The following ARHGEF10L variants were observed in gnomAD, a reference collection of about 807,000 sequenced individuals.
ARHGEF10L encodes Rho guanine nucleotide exchange factor 10 like, also known as rho guanine nucleotide exchange factor 10-like protein.
A neutral mutation model predicts 141.2 loss-of-function variants in ARHGEF10L; 69 were observed. The observed-to-expected ratio is 0.49, with a 90% CI of 0.40 to 0.60. ARHGEF10L has a LOEUF of 0.60. Among genes scored for constraint, ARHGEF10L ranks in the 20% least tolerant of loss-of-function variants. The pLI is 0.00. For synonymous variants in ARHGEF10L, 711 were observed against 718.5 expected, an observed-to-expected ratio of 0.99 and a Z score of 0.17; for missense variants, 1,482 against 1,734.3, an observed-to-expected ratio of 0.85 and a Z score of 2.58.
At chr1:17,529,124 T>C in the ARHGEF10L span, among the ~76,000 whole-genome samples, 1 of 152,124 alleles carries the variant, frequency 6.6e-6, no homozygotes, top group African/African-American at 2.4e-5. Context: ...TGCCTCAGCC[T>C]CCCAAGTAGC....
chr1:17,613,973 T>C (rs996254998), intron 8 of ARHGEF10L, among the ~76,000 whole-genome samples: 1 of 152,180 alleles, frequency 6.6e-6, no homozygotes, highest in Non-Finnish European at 1.5e-5. Context: ...CTGTGCTGGG[T>C]CTAGAAGCTC....
chr1:17,580,957 G>T (rs12146120), intron 2 of ARHGEF10L, among the ~76,000 whole-genome samples: 1 of 152,100 alleles, frequency 6.6e-6, no homozygotes, highest in African/African-American at 2.4e-5. Context: ...AGAGGGTTGC[G>T]CCATAGGGTC....
At position 17,607,831 on chromosome 1, in the gene ARHGEF10L, G is replaced by C; in HGVS notation, c.463G>C (p.Ala155Pro). The C allele has an allele frequency of 1.3e-6, 2 of 1,593,276 alleles. No homozygotes were observed. Among genetic ancestry groups the C allele is most frequent in the Admixed American group, 1.7e-5 (1 of 57,752 alleles). Residue 155 changes from alanine (A) to proline (P), a missense_variant, in exon 7 of 29, where the codon GCG becomes CCG. By Grantham distance (27) the Ala-to-Pro change is conservative. This residue lies in a region of ARHGEF10L where 232 missense variants were observed against 225.9 expected (regional missense o/e 1.03). Coordinates refer to ENST00000361221, the MANE Select transcript of ARHGEF10L (RefSeq NM_018125.4). The surrounding 1 kb of genome is among the most constrained non-coding windows in gnomAD (Gnocchi z 4.5). ...AGAGAGGAACCTGCTCTACGAGGAT[G>C]CGCACCGGGCTGGGGCCCCTCGGCA... is the stretch of plus-strand genomic sequence containing the variant. Reference protein sequence around the residue: ...GAERNLLYEDAHRAGAPRQAE... With the variant: ...GAERNLLYEDPHRAGAPRQAE...
chr1:17,624,064 CCTT>C (rs2060250554), intron 12 of ARHGEF10L, among the ~76,000 whole-genome samples: 1 of 152,144 alleles, frequency 6.6e-6, no homozygotes, highest in African/African-American at 2.4e-5. Flanking sequence ...TTCCCCCTGC[CCTT>C]CTCCTCCCTC....
intron 26 of ARHGEF10L, among the ~76,000 whole-genome samples, chr1:17,683,531 C>A (rs1469822618): frequency 6.6e-6 from 1 of 152,212 alleles, no homozygotes; most frequent in Non-Finnish European, 1.5e-5. Flanking sequence ...TACTCCCTGC[C>A]CTGTGGGCCC....
In ARHGEF10L at chr1:17,656,365, G is replaced by A. The variant is rs754028578; in HGVS notation, c.2706-189G>A. 6.6e-6 allele frequency among the ~76,000 whole-genome samples: 1 copy of A among 152,228 alleles called. No individual in the cohort carries two copies. Among genetic ancestry groups the A allele is most frequent in the African/African-American group, 2.4e-5 (1 of 41,460 alleles). On this transcript the variant is annotated intron_variant, in intron 24 of 28. Coordinates refer to ENST00000361221, the MANE Select transcript of ARHGEF10L (RefSeq NM_018125.4). The surrounding 1 kb of genome is among the most constrained non-coding windows in gnomAD (Gnocchi z 4.9). ...CTCTTCGTGACAGAGGTGTCAGGGAGGGTACCGTCCCAGAAAACCATGGAA... is the reference window on the plus strand; with the variant it reads ...CTCTTCGTGACAGAGGTGTCAGGGAAGGTACCGTCCCAGAAAACCATGGAA...
At chr1:17,637,333 C>G (rs550977785) in intron 18 of ARHGEF10L, among the ~76,000 whole-genome samples, 1 of 152,326 alleles carries the variant, frequency 6.6e-6, no homozygotes, top group Middle Eastern at 3.4e-3. Context: ...GGCCCCTCCT[C>G]TCTCCCAGGC....
At position 17,654,782 on chromosome 1, in the gene ARHGEF10L, G is replaced by T; in HGVS notation, c.2481+60G>T. The T allele has an allele frequency of 1.4e-6, 2 of 1,472,180 alleles. No homozygotes were observed. The highest frequency in any genetic ancestry group is 1.9e-6 in the Non-Finnish European group (2 of 1,056,554). The allele number at this position is 1,472,180 out of a possible 1,614,324, so 91.2% of individuals were successfully genotyped here. A position where few individuals can be genotyped will look rare whatever the true frequency, so the allele number is the denominator to read the frequency against. ...CCTCAGGACAGGAGTAGGGAGAGCG[G>T]CACCTGGGAGGGGGTGCTGGAGACA... On this transcript the variant is annotated intron_variant, in intron 23 of 28. Coordinates refer to ENST00000361221, the MANE Select transcript of ARHGEF10L (RefSeq NM_018125.4). This position sits in a 1 kb window ranked among gnomAD's most constrained non-coding sequence, Gnocchi z 4.3.
chr1:17,631,849 T>C (rs933329116), intron 15 of ARHGEF10L, among the ~76,000 whole-genome samples: 2 of 152,242 alleles, frequency 1.3e-5, no homozygotes, highest in African/African-American at 4.8e-5. Context: ...CATTACCTTG[T>C]GTGATCTGAG....
chr1:17,572,369 C>A (rs1453884308), intron 1 of ARHGEF10L, among the ~76,000 whole-genome samples: 1 of 152,168 alleles, frequency 6.6e-6, no homozygotes, highest in South Asian at 2.1e-4. Context: ...CACCTGTGAC[C>A]GATGGAGAGC....
intron 4 of ARHGEF10L, among the ~76,000 whole-genome samples, chr1:17,597,509 G>A (rs953477970): frequency 3.3e-5 from 5 of 152,138 alleles, no homozygotes; most frequent in Non-Finnish European, 7.4e-5. Flanking sequence ...GAGCTGGAAC[G>A]TTGCTCGTGT....
the ARHGEF10L span, among the ~76,000 whole-genome samples, chr1:17,518,548 T>C: frequency 1.5e-4 from 23 of 152,092 alleles, no homozygotes; most frequent in Non-Finnish European, 2.9e-4. Flanking sequence ...TCCCAGCACT[T>C]TGGGAGGCTG....
At chr1:17,688,346 GC>G (rs1478112918) in intron 27 of ARHGEF10L, among the ~76,000 whole-genome samples, 1 of 152,178 alleles carries the variant, frequency 6.6e-6, no homozygotes, top group African/African-American at 2.4e-5. Flanking sequence ...CTCACCAAAT[GC>G]CCCCCAAGGC....
At position 17,650,481 on chromosome 1, in the gene ARHGEF10L, C is replaced by T. The variant is rs150543107; in HGVS notation, c.2394+1806C>T. 6.1e-3 allele frequency among the ~76,000 whole-genome samples: 921 copies of T among 151,798 alleles called. 10 individuals carry two copies. Among genetic ancestry groups the T allele is most frequent in the African/African-American group, 0.021 (862 of 41,394 alleles). ...GGTGAGGTAGCTCACGTCTGTAATC[C>T]CAGGATTTTGGGAGGCCAAGGCAGG... On this transcript the variant is annotated intron_variant, in intron 22 of 28. Transcript: ENST00000361221.
the ARHGEF10L span, among the ~76,000 whole-genome samples, chr1:17,530,850 C>T: frequency 6.6e-6 from 1 of 151,512 alleles, no homozygotes; most frequent in African/African-American, 2.4e-5. Context: ...ACCCCGAATA[C>T]AAAAATTAGC....
chr1:17,674,401 A>G (rs2063511863), intron 26 of ARHGEF10L, among the ~76,000 whole-genome samples: 1 of 152,240 alleles, frequency 6.6e-6, no homozygotes, highest in Admixed American at 6.5e-5. Flanking sequence ...GTGACAGCAC[A>G]GGTCCTGCAG....
intron 16 of ARHGEF10L, among the ~76,000 whole-genome samples, chr1:17,633,223 G>T (rs1180468667): frequency 6.6e-6 from 1 of 152,202 alleles, no homozygotes; most frequent in Non-Finnish European, 1.5e-5. Context: ...TCACCTGCTC[G>T]CATCCCCTGC....
chr1:17,669,841 C>T (rs138678282), intron 26 of ARHGEF10L, among the ~76,000 whole-genome samples: 47 of 152,318 alleles, frequency 3.1e-4, no homozygotes, highest in African/African-American at 1.0e-3. Flanking sequence ...TCCAGGAGCT[C>T]GGAGTCCAGT....
rs754299420 is a variant in ARHGEF10L, at chr1:17,592,327, G to T, written c.257+3848G>T. Among the ~76,000 whole-genome samples the T allele has an allele frequency of 9.7e-4, 147 of 152,178 alleles. 2 individuals are homozygous for T. The highest frequency in any genetic ancestry group is 1.9e-3 in the Non-Finnish European group (130 of 68,036). On this transcript the variant is annotated intron_variant, in intron 4 of 28. Coordinates refer to ENST00000361221, the MANE Select transcript of ARHGEF10L (RefSeq NM_018125.4). ...CACTTTTCTGTGGGTCAGGGTTTTGGCTCCTGGCCCTGGTCGCAGGGATTC... is the reference window on the plus strand; with the variant it reads ...CACTTTTCTGTGGGTCAGGGTTTTGTCTCCTGGCCCTGGTCGCAGGGATTC...
Sources: gnomAD v4.1 joint callset for allele counts (sites outside exome capture counted in the v4.1 genomes callset) on GRCh38, gnomAD v4.1.1 for gene constraint, gnomAD v4.1.1 regional missense constraint, Gnocchi (gnomAD v3.1) non-coding constraint, MANE v1.5 for transcripts, NCBI Gene and HGNC (gene_info 2026-07-23, HGNC 2026-07-21) for gene names.